The following LRRC4C variants were observed in gnomAD, a reference collection of about 807,000 sequenced individuals.
LRRC4C encodes leucine-rich repeat-containing protein 4C.
Under a neutral mutation model 33.6 loss-of-function variants are expected in LRRC4C, and 5 were observed. The observed-to-expected ratio is 0.15, with a 90% confidence interval of 0.08 to 0.31. The LOEUF (loss-of-function observed/expected upper bound fraction) is 0.31. Ranked by LOEUF, LRRC4C falls within the 10% of genes least tolerant of loss-of-function variation. The pLI, the probability that LRRC4C is intolerant of heterozygous loss-of-function variation, is 1.00. For missense variants in LRRC4C, 560 were observed against 796.7 expected (o/e 0.70, Z 3.58); for synonymous variants, 329 against 302.0 (o/e 1.09, Z -0.93).
At chr11:40,826,484 C>T (rs773326999) in intron 2 of LRRC4C, among the ~76,000 whole-genome samples, 3 of 151,836 alleles carry the variant, frequency 2.0e-5, no homozygotes, top group Non-Finnish European at 4.4e-5. Context: ...ATGTGCCATA[C>T]GCCCCCTTCT....
At chr11:41,065,198 G>T (rs566868288) in intron 1 of LRRC4C, among the ~76,000 whole-genome samples, 2 of 146,324 alleles carry the variant, frequency 1.4e-5, no homozygotes, top group Non-Finnish European at 3.0e-5. Flanking sequence ...GAGTCCACCC[G>T]GGAACAGGTT....
At chr11:40,728,377 G>A (rs1177686296) in intron 2 of LRRC4C, among the ~76,000 whole-genome samples, 4 of 151,846 alleles carry the variant, frequency 2.6e-5, no homozygotes, top group Admixed American at 6.6e-5. Flanking sequence ...AGGCCGAGGC[G>A]GACGGATCAC....
chr11:41,354,167 C>A (rs2137599069), intron 1 of LRRC4C, among the ~76,000 whole-genome samples: 1 of 152,238 alleles, frequency 6.6e-6, no homozygotes, highest in East Asian at 1.9e-4. Flanking sequence ...TGATAAACAA[C>A]TTTAGTAAAG....
At chr11:40,499,428 G>A (rs534836188) in intron 3 of LRRC4C, among the ~76,000 whole-genome samples, 1 of 152,246 alleles carries the variant, frequency 6.6e-6, no homozygotes, top group South Asian at 2.1e-4. Context: ...AAATCTTTGG[G>A]TAAAAATGGC....
chr11:41,085,928 CAAAA>C (rs10717008), intron 1 of LRRC4C, among the ~76,000 whole-genome samples: 5 of 80,192 alleles, frequency 6.2e-5, no homozygotes, highest in East Asian at 4.3e-4. Context: ...TTTAAGACAC[CAAAA>C]AAAAAAAAAA....
At chr11:41,041,964 A>C (rs2137987974) in intron 1 of LRRC4C, among the ~76,000 whole-genome samples, 1 of 152,284 alleles carries the variant, frequency 6.6e-6, no homozygotes, top group East Asian at 1.9e-4. Context: ...TTAAAAGATA[A>C]ATTTCCCAAA....
intron 2 of LRRC4C, among the ~76,000 whole-genome samples, chr11:40,888,868 A>G (rs1446080447): frequency 6.6e-6 from 1 of 152,034 alleles, no homozygotes; most frequent in Non-Finnish European, 1.5e-5. Flanking sequence ...TTTTCACACC[A>G]AAATGCTTAT....
At chr11:40,490,274 T>C (rs1437174932) in intron 3 of LRRC4C, among the ~76,000 whole-genome samples, 1 of 152,162 alleles carries the variant, frequency 6.6e-6, no homozygotes, top group Admixed American at 6.6e-5. Context: ...ATTAATCTTT[T>C]AGTTATTATT....
chr11:40,633,395 C>CTTTTTTTTTTTT (rs35352183), intron 3 of LRRC4C, among the ~76,000 whole-genome samples: 1 of 124,582 alleles, frequency 8.0e-6, no homozygotes, highest in Non-Finnish European at 1.7e-5. Flanking sequence ...TTCTTTCTTT[C>CTTTTTTTTTTTT]TTTTTTTTTT....
At chr11:40,436,558 C>G (rs1036091930) in intron 3 of LRRC4C, among the ~76,000 whole-genome samples, 1 of 152,160 alleles carries the variant, frequency 6.6e-6, no homozygotes, top group South Asian at 2.1e-4. Context: ...TCCTGTCCTG[C>G]TTGAAGAGCC....
At chr11:40,565,710 A>C (rs1159727705) in intron 3 of LRRC4C, among the ~76,000 whole-genome samples, 1 of 151,962 alleles carries the variant, frequency 6.6e-6, no homozygotes, top group Non-Finnish European at 1.5e-5. Context: ...TTTTTTTCTG[A>C]ATCTAATTCT....
At chr11:40,699,002 C>T (rs980553851) in intron 2 of LRRC4C, among the ~76,000 whole-genome samples, 8 of 152,046 alleles carry the variant, frequency 5.3e-5, no homozygotes, top group African/African-American at 1.7e-4. Flanking sequence ...CAAACCATAT[C>T]CAACACAAAA....
At position 40,160,635 on chromosome 11, in the gene LRRC4C, C is replaced by A. The variant is rs78990186; in HGVS notation, c.-95-19782G>T. Among the ~76,000 whole-genome samples, 529 of 152,266 alleles carry A rather than the reference C, an allele frequency of 3.5e-3. 6 individuals carry two copies. The highest frequency in any genetic ancestry group is 0.012 in the African/African-American group (504 of 41,558). On this transcript the variant is annotated intron_variant, in intron 5 of 6. Transcript: ENST00000528697. ...GTGATGTGTCAGCAATATGCCATCA[C>A]TCTCATCAAGGCAAATTTATAGACG...
chr11:40,824,285 T>C (rs115781550), intron 2 of LRRC4C, among the ~76,000 whole-genome samples: 3,320 of 152,048 alleles, frequency 0.022, 128 homozygotes, highest in African/African-American at 0.076. Context: ...GTGAATTTTA[T>C]TGTATTAAAC....
intron 2 of LRRC4C, among the ~76,000 whole-genome samples, chr11:40,750,694 C>G (rs1222377310): frequency 6.7e-6 from 1 of 150,164 alleles, no homozygotes; most frequent in Non-Finnish European, 1.5e-5. Context: ...AGGAGATATA[C>G]CTAATGTTAA....
chr11:40,494,738 C>T (rs1412691774), intron 3 of LRRC4C, among the ~76,000 whole-genome samples: 1 of 152,112 alleles, frequency 6.6e-6, no homozygotes, highest in Non-Finnish European at 1.5e-5. Context: ...AGCACTATTC[C>T]TGCTACTTTT....
At chr11:40,671,521 G>T (rs1240674869) in intron 2 of LRRC4C, among the ~76,000 whole-genome samples, 1 of 151,896 alleles carries the variant, frequency 6.6e-6, no homozygotes, top group Non-Finnish European at 1.5e-5. Flanking sequence ...AGCATCATTG[G>T]CCATCTTTCA....
intron 3 of LRRC4C, among the ~76,000 whole-genome samples, chr11:40,438,138 A>G (rs533292649): frequency 4.7e-4 from 71 of 152,218 alleles, no homozygotes; most frequent in African/African-American, 9.1e-4. Flanking sequence ...CAATGCAGCG[A>G]CCTACTGTTT....
chr11:40,606,552 C>T (rs1394544050), intron 3 of LRRC4C, among the ~76,000 whole-genome samples: 1 of 151,188 alleles, frequency 6.6e-6, no homozygotes, highest in Non-Finnish European at 1.5e-5. Flanking sequence ...AAAAACAATT[C>T]CCAGAAAATG....
Sources: gnomAD v4.1 joint callset for allele counts (sites outside exome capture counted in the v4.1 genomes callset) on GRCh38, gnomAD v4.1.1 for gene constraint, MANE v1.5 for transcripts, NCBI Gene and HGNC (gene_info 2026-07-23, HGNC 2026-07-21) for gene names.